The following CDH18 variants were observed in gnomAD, a reference collection of about 807,000 sequenced individuals.
CDH18 encodes the protein cadherin-18.
Under a neutral mutation model 67.9 loss-of-function variants are expected in CDH18, and 31 were observed. The ratio of observed to expected loss-of-function variants is 0.46; its 90% CI spans 0.34 to 0.62. The LOEUF (loss-of-function observed/expected upper bound fraction) is 0.62, where lower values mean the gene tolerates loss of function less well. Ranked by LOEUF, CDH18 falls within the 20% of genes least tolerant of loss-of-function variation. CDH18 has a pLI of 0.01. For missense variants in CDH18, 890 were observed against 975.5 expected, an observed-to-expected ratio of 0.91 and a Z score of 1.17; for synonymous variants, 362 against 347.2, an observed-to-expected ratio of 1.04 and a Z score of -0.48.
intron 1 of CDH18, among the ~76,000 whole-genome samples, chr5:20,572,856 T>C (rs1296267245): frequency 1.3e-5 from 2 of 152,150 alleles, no homozygotes; most frequent in Admixed American, 1.3e-4. Flanking sequence ...TAGAGCTCTC[T>C]CAACAATGCA....
chr5:20,189,770 C>T (rs928595191), intron 2 of CDH18, among the ~76,000 whole-genome samples: 1 of 152,094 alleles, frequency 6.6e-6, no homozygotes, highest in Non-Finnish European at 1.5e-5. Flanking sequence ...TTTTATCTTT[C>T]AGTCTTGGTT....
chr5:19,477,221 A>G (rs1302325193), intron 12 of CDH18, among the ~76,000 whole-genome samples: 2 of 151,134 alleles, frequency 1.3e-5, no homozygotes, highest in Non-Finnish European at 3.0e-5. Context: ...TTATGTCAGG[A>G]CATCAGGGCA....
chr5:20,266,783 A>C (rs2126650384), intron 1 of CDH18, among the ~76,000 whole-genome samples: 1 of 151,988 alleles, frequency 6.6e-6, no homozygotes. Flanking sequence ...ATGAGCCATA[A>C]GTAATGGTAA....
At chr5:20,526,780 G>A (rs1459445337) in intron 1 of CDH18, among the ~76,000 whole-genome samples, 2 of 152,020 alleles carry the variant, frequency 1.3e-5, no homozygotes, top group Admixed American at 1.3e-4. Context: ...ATCAAAGTTA[G>A]GTAAATCCAC....
At chr5:19,845,955 C>A (rs1782896255) in intron 2 of CDH18, among the ~76,000 whole-genome samples, 2 of 151,736 alleles carry the variant, frequency 1.3e-5, no homozygotes, top group African/African-American at 4.8e-5. Context: ...TATTTTTATT[C>A]ATTCAGCCAC....
At chr5:20,080,501 T>C (rs925602354) in intron 2 of CDH18, among the ~76,000 whole-genome samples, 1 of 151,930 alleles carries the variant, frequency 6.6e-6, no homozygotes, top group African/African-American at 2.4e-5. Context: ...ATCACAAGAG[T>C]GTAGTGATCC....
intron 2 of CDH18, among the ~76,000 whole-genome samples, chr5:19,868,110 C>T (rs1318337735): frequency 2.6e-5 from 4 of 152,176 alleles, no homozygotes; most frequent in Non-Finnish European, 5.9e-5. Context: ...TACCCAGTCT[C>T]AGCAGTTCTT....
intron 3 of CDH18, among the ~76,000 whole-genome samples, chr5:19,821,626 C>G (rs1442296951): frequency 6.6e-6 from 1 of 152,000 alleles, no homozygotes; most frequent in East Asian, 1.9e-4. Flanking sequence ...CTGTAAGACA[C>G]TATACAAGAT....
At chr5:19,582,169 C>G (rs144993077) in intron 7 of CDH18, among the ~76,000 whole-genome samples, 101 of 151,822 alleles carry the variant, frequency 6.7e-4, no homozygotes, top group Non-Finnish European at 1.6e-4. Flanking sequence ...TATACACAAG[C>G]TCATATGTGT....
rs149785745 is a variant in CDH18, at chr5:19,754,502, C to A, written c.229-7266G>T. Among the ~76,000 whole-genome samples, 291 of 152,136 alleles carry A rather than the reference C, an allele frequency of 1.9e-3. 3 individuals carry two copies. The highest frequency in any genetic ancestry group is 6.8e-3 in the African/African-American group (282 of 41,496). ...TATATGTACCTAACACTGGAGATCC[C>A]AAATTTATGAAACAATTACTACTAG... On this transcript the variant is annotated intron_variant, in intron 3 of 12. Coordinates refer to ENST00000382275, the MANE Select transcript of CDH18 (RefSeq NM_004934.5).
At chr5:19,854,329 A>G (rs911767777) in intron 2 of CDH18, among the ~76,000 whole-genome samples, 5 of 152,168 alleles carry the variant, frequency 3.3e-5, no homozygotes, top group Non-Finnish European at 7.4e-5. Context: ...CAACAGGCCA[A>G]TCATTTTGAG....
intron 1 of CDH18, among the ~76,000 whole-genome samples, chr5:20,454,585 C>A (rs999013180): frequency 2.0e-5 from 3 of 152,002 alleles, no homozygotes; most frequent in African/African-American, 2.4e-5. Flanking sequence ...GACTGCAGAG[C>A]GTCTGGGACT....
intron 1 of CDH18, among the ~76,000 whole-genome samples, chr5:20,546,719 A>C (rs1018984568): frequency 1.3e-5 from 2 of 149,806 alleles, no homozygotes; most frequent in African/African-American, 5.0e-5. Context: ...GGGTAGGGAC[A>C]CAGAGTCAAA....
At chr5:19,663,317 C>T (rs1757446621) in intron 5 of CDH18, among the ~76,000 whole-genome samples, 1 of 151,732 alleles carries the variant, frequency 6.6e-6, no homozygotes. Flanking sequence ...TATATAAAAC[C>T]TATACTAATA....
At chr5:19,735,896 T>G (rs1768255522) in intron 4 of CDH18, among the ~76,000 whole-genome samples, 1 of 152,214 alleles carries the variant, frequency 6.6e-6, no homozygotes, top group Non-Finnish European at 1.5e-5. Flanking sequence ...TGTGCATTTT[T>G]ACCCCACCCA....
chr5:20,207,675 C>T (rs929733267), intron 2 of CDH18, among the ~76,000 whole-genome samples: 2 of 152,028 alleles, frequency 1.3e-5, no homozygotes, highest in African/African-American at 2.4e-5. Flanking sequence ...ATTATCTCCC[C>T]ACAGGTCCCT....
chr5:20,370,705 A>T (rs1205471159), intron 1 of CDH18, among the ~76,000 whole-genome samples: 1 of 152,130 alleles, frequency 6.6e-6, no homozygotes, highest in African/African-American at 2.4e-5. Context: ...TGTGGAGAAC[A>T]TTTTGAGAGG....
At chr5:19,488,106 A>G (rs182386495) in intron 11 of CDH18, among the ~76,000 whole-genome samples, 177 of 152,258 alleles carry the variant, frequency 1.2e-3, no homozygotes, top group Non-Finnish European at 1.5e-3. Flanking sequence ...TTTTTGTTCA[A>G]TAGTTTGAAA....
At chr5:19,691,160 G>A (rs1232366156) in intron 5 of CDH18, among the ~76,000 whole-genome samples, 1 of 127,208 alleles carries the variant, frequency 7.9e-6, no homozygotes, top group Non-Finnish European at 1.8e-5. Context: ...CACAATAACA[G>A]AAGGAAGGAC....
Sources: allele counts gnomAD v4.1 joint callset (sites outside exome capture counted in the v4.1 genomes callset), GRCh38; gene constraint gnomAD v4.1.1; transcripts MANE v1.5; gene names NCBI Gene and HGNC (gene_info 2026-07-23, HGNC 2026-07-21).